Variants in ASTN1 observed in about 807,000 individuals in gnomAD.
The protein encoded by ASTN1 is astrotactin 1.
A neutral mutation model predicts 140.7 loss-of-function variants in ASTN1; 41 were observed. The ratio of observed to expected loss-of-function variants is 0.29; its 90% confidence interval spans 0.23 to 0.38. The LOEUF is 0.38. ASTN1 is among the 10% of genes least tolerant of loss of function. The pLI, the probability that ASTN1 is intolerant of heterozygous loss-of-function variation, is 1.00. For synonymous variants in ASTN1, 640 were observed against 652.2 expected, an observed-to-expected ratio of 0.98 and a Z score of 0.29; for missense variants, 1,479 against 1,678.8, an observed-to-expected ratio of 0.88 and a Z score of 2.08.
At chr1:177,139,504 T>A (rs1425330025) in intron 1 of ASTN1, among the ~76,000 whole-genome samples, 2 of 152,178 alleles carry the variant, frequency 1.3e-5, no homozygotes, top group Admixed American at 6.5e-5. Flanking sequence ...ATAATTTAAA[T>A]CAAGGAAGGT....
chr1:176,926,259 G>A (rs1331646617), intron 16 of ASTN1, among the ~76,000 whole-genome samples: 4 of 144,576 alleles, frequency 2.8e-5, no homozygotes, highest in South Asian at 2.2e-4. Flanking sequence ...TGAAAAAGGC[G>A]ATATAACATG....
intron 1 of ASTN1, among the ~76,000 whole-genome samples, chr1:177,146,239 C>T (rs902723774): frequency 1.3e-5 from 2 of 152,136 alleles, no homozygotes; most frequent in Non-Finnish European, 2.9e-5. Flanking sequence ...ATACACTACA[C>T]CATGTTATTT....
chr1:177,021,931 A>T (rs932299233), intron 7 of ASTN1, among the ~76,000 whole-genome samples: 2 of 152,220 alleles, frequency 1.3e-5, no homozygotes, highest in Admixed American at 1.3e-4. Context: ...GGCATGGTAC[A>T]CAGCCCATCT....
chr1:176,887,668 T>C (rs557371353), intron 18 of ASTN1, among the ~76,000 whole-genome samples: 13 of 152,182 alleles, frequency 8.5e-5, no homozygotes, highest in African/African-American at 3.1e-4. Flanking sequence ...CAATGAGTGG[T>C]TATGTTTTTG....
At position 176,862,879 on chromosome 1, in the gene ASTN1, C is replaced by T; in HGVS notation, c.*1405G>A. On this transcript the variant is annotated 3_prime_UTR_variant, in exon 23 of 23. Coordinates refer to ENST00000361833, the MANE Select transcript of ASTN1 (RefSeq NM_004319.3). ...TCAATGACTAGCCTTATAGGTCTTG[C>T]ATCTGTTTGCTGACCTTTCTCATAT... The T allele has an allele frequency of 4.1e-6, 4 of 985,422 alleles. No homozygotes were observed. Among genetic ancestry groups the T allele is most frequent in the Non-Finnish European group, 3.6e-6 (3 of 829,932 alleles). The allele number at this position is 985,422 out of a possible 1,614,324, so 61.0% of individuals were successfully genotyped here.
chr1:176,900,367 C>T lies in ASTN1; in HGVS notation c.2672-5537G>A, dbSNP rs1410276321. 5.3e-5 allele frequency among the ~76,000 whole-genome samples: 8 copies of T among 152,306 alleles called. No homozygotes were observed. The East Asian group carries it at 5.8e-4, about 11-fold the overall frequency. On this transcript the variant is annotated intron_variant, in intron 16 of 22. Coordinates refer to ENST00000361833, the MANE Select transcript of ASTN1 (RefSeq NM_004319.3). Reference sequence around the variant, plus strand: ...CGTACTCTCCTCAGCAGCTATTCCTCGTCGTGCAGGTCCTAACTCAGCAAA... The same window carrying T: ...CGTACTCTCCTCAGCAGCTATTCCTTGTCGTGCAGGTCCTAACTCAGCAAA...
chr1:177,126,264 C>T (rs545222474), intron 1 of ASTN1, among the ~76,000 whole-genome samples: 11 of 152,094 alleles, frequency 7.2e-5, no homozygotes, highest in Non-Finnish European at 1.5e-4. Context: ...ATTTTAGCTG[C>T]CCTTAGTAAC....
intron 11 of ASTN1, among the ~76,000 whole-genome samples, chr1:176,952,221 A>G (rs1672218489): frequency 6.6e-6 from 1 of 151,410 alleles, no homozygotes; most frequent in Admixed American, 6.6e-5. Context: ...TTGTAGATTC[A>G]GCCTAGTATT....
chr1:177,047,625 G>T (rs1023602005), intron 2 of ASTN1, among the ~76,000 whole-genome samples: 1 of 152,146 alleles, frequency 6.6e-6, no homozygotes, highest in African/African-American at 2.4e-5. Flanking sequence ...GGAAACCACC[G>T]TATCAGTCCA....
chr1:176,885,784 T>C (rs911999182), intron 18 of ASTN1, among the ~76,000 whole-genome samples: 1 of 152,172 alleles, frequency 6.6e-6, no homozygotes, highest in Non-Finnish European at 1.5e-5. Context: ...TTAAAGGAGC[T>C]TAGTGAGCAA....
chr1:177,041,154 C>A (rs1416323156), intron 2 of ASTN1, among the ~76,000 whole-genome samples: 1 of 152,132 alleles, frequency 6.6e-6, no homozygotes, highest in East Asian at 1.9e-4. Context: ...GCCCATAGAT[C>A]CCTAATTCCA....
chr1:176,968,042 A>G (rs1228306000), intron 8 of ASTN1, among the ~76,000 whole-genome samples: 1 of 152,176 alleles, frequency 6.6e-6, no homozygotes, highest in Admixed American at 6.5e-5. Context: ...TGGATTCTGG[A>G]GTTAGCCTGC....
chr1:177,010,689 G>A (rs977174168), intron 8 of ASTN1, among the ~76,000 whole-genome samples: 7 of 152,184 alleles, frequency 4.6e-5, no homozygotes, highest in Non-Finnish European at 7.3e-5. Flanking sequence ...ATTTCTGCCT[G>A]AGCAATTGTG....
intron 1 of ASTN1, among the ~76,000 whole-genome samples, chr1:177,128,889 T>C (rs1208492669): frequency 6.6e-6 from 1 of 152,228 alleles, no homozygotes; most frequent in Admixed American, 6.5e-5. Context: ...CATTGAAATT[T>C]CTTATCATCC....
At chr1:176,889,768 G>A (rs1266649283) in intron 17 of ASTN1, among the ~76,000 whole-genome samples, 11 of 152,192 alleles carry the variant, frequency 7.2e-5, no homozygotes, top group Non-Finnish European at 1.6e-4. Flanking sequence ...ATGATTTACA[G>A]TGGAGAAGAC....
At chr1:177,002,234 GA>G (rs1339250016) in intron 8 of ASTN1, among the ~76,000 whole-genome samples, 1 of 152,116 alleles carries the variant, frequency 6.6e-6, no homozygotes, top group Non-Finnish European at 1.5e-5. Context: ...ATAAAGGAAG[GA>G]AAAAGTCACC....
At chr1:176,885,321 CTG>C (rs1668990532) in intron 18 of ASTN1, among the ~76,000 whole-genome samples, 1 of 152,208 alleles carries the variant, frequency 6.6e-6, no homozygotes, top group Admixed American at 6.5e-5. Context: ...TCATACCTCT[CTG>C]TACCTCGCAG....
intron 1 of ASTN1, among the ~76,000 whole-genome samples, chr1:177,104,798 C>T (rs976368132): frequency 2.0e-5 from 3 of 152,162 alleles, no homozygotes; most frequent in African/African-American, 4.8e-5. Flanking sequence ...GGGTCTAGAC[C>T]GTTCCTCCTT....
chr1:177,106,915 C>G (rs1438991230), intron 1 of ASTN1, among the ~76,000 whole-genome samples: 5 of 152,140 alleles, frequency 3.3e-5, no homozygotes, highest in Non-Finnish European at 7.3e-5. Flanking sequence ...AATGTTGAGG[C>G]TTGGAGAAGC....
Sources: gnomAD v4.1 joint callset for allele counts (sites outside exome capture counted in the v4.1 genomes callset) on GRCh38, gnomAD v4.1.1 for gene constraint, MANE v1.5 for transcripts, NCBI Gene and HGNC (gene_info 2026-07-23, HGNC 2026-07-21) for gene names.